Variants in FANCI observed in about 807,000 individuals in gnomAD.
FANCI encodes the protein Fanconi anemia group I protein.
Under a neutral mutation model 176.1 loss-of-function variants are expected in FANCI, and 156 were observed. That is an observed-to-expected ratio of 0.89 (90% CI 0.78 to 1.01). The LOEUF is 1.01. Among genes scored for constraint, FANCI ranks in the 50% least tolerant of loss-of-function variants. The pLI is 0.00. For missense variants in FANCI, 1,678 were observed against 1,534.1 expected, an observed-to-expected ratio of 1.09 and a Z score of -1.57; for synonymous variants, 613 against 541.7, an observed-to-expected ratio of 1.13 and a Z score of -1.83.
In FANCI at chr15:89,295,086, C is replaced by T. The variant is rs1213477504; in HGVS notation, c.2628C>T (p.Asp876=). ...AAAAGATCTTTCAGAACCTCTGTGA[C>T]ATAACTCGGTAAGCCACTCCCACCC... ...NPEKIFQNLC[D]ITRVLLWRYT... The change falls in exon 24 of 38, where the codon GAC becomes GAT. Residue 876 remains aspartate, a synonymous_variant. Transcript: ENST00000310775. The T allele has an allele frequency of 1.3e-6, 2 of 1,551,630 alleles. No homozygotes were observed. Among genetic ancestry groups the T allele is most frequent in the Admixed American group, 2.0e-5 (1 of 50,936 alleles).
Position 89,283,192 on chromosome 15 carries a change from T to TTA in FANCI, c.1641_1642dup (p.Lys548IlefsTer4). Reference sequence around the variant, plus strand: ...GGGTTTTTGCTGCTCCTGAAGAACTTTAAAGTTTTAGGCAGCCTGTCATCC... The same window carrying TTA: ...GGGTTTTTGCTGCTCCTGAAGAACTTTATAAAGTTTTAGGCAGCCTGTCATCC... On this transcript the variant is annotated frameshift_variant, in exon 17 of 38. Coordinates refer to ENST00000310775, the MANE Select transcript of FANCI (RefSeq NM_001113378.2). LOFTEE classifies it high-confidence loss of function. 6.8e-6 allele frequency: 11 copies of TTA among 1,614,178 alleles called. No homozygotes were observed. The highest frequency in any genetic ancestry group is 9.3e-6 in the Non-Finnish European group (11 of 1,180,026).
At chr15:89,306,377 G>A (rs1367180945) in intron 32 of FANCI, among the ~76,000 whole-genome samples, 183 bp downstream of exon 32, 1 of 151,858 alleles carries the variant, frequency 6.6e-6, no homozygotes, top group Non-Finnish European at 1.5e-5. Context: ...CACAGGCCAG[G>A]GAAAAACAGT....
At chr15:89,310,188 C>A (rs747951826) in intron 34 of FANCI, among the ~76,000 whole-genome samples, 1 of 152,206 alleles carries the variant, frequency 6.6e-6, no homozygotes, top group Non-Finnish European at 1.5e-5. Context: ...CATACAGTCT[C>A]TATCACACCT....
In FANCI at chr15:89,281,752, G is replaced by T; in HGVS notation, c.1513-13G>T. On this transcript the variant is annotated splice_polypyrimidine_tract_variant and intron_variant, in intron 15 of 37. Coordinates refer to ENST00000310775, the MANE Select transcript of FANCI (RefSeq NM_001113378.2). ...CAAACTTGTTCTGTTTTTACCCACT[G>T]ATTCTTTTTCAGCCCCTTCTCAAAG... The T allele has an allele frequency of 6.2e-7, 1 of 1,613,464 alleles. No individual in the cohort carries two copies. The highest frequency in any genetic ancestry group is 8.5e-7 in the Non-Finnish European group (1 of 1,179,630).
At position 89,290,617 on chromosome 15, in the gene FANCI, T is replaced by C. The variant is rs529551650; in HGVS notation, c.1890+336T>C. ...AGAAAAAAGAAATCCAAAACAAATA[T>C]AGCAAAATATTATTTCTTAAATCTG... On this transcript the variant is annotated intron_variant, in intron 19 of 37. Transcript: ENST00000310775. 5.3e-4 allele frequency: 137 copies of C among 260,408 alleles called. 1 individual carries two copies. Among genetic ancestry groups the C allele is most frequent in the African/African-American group, 2.7e-3 (122 of 45,866 alleles). The allele number at this position is 260,408 out of a possible 1,614,324, so 16.1% of individuals were successfully genotyped here.
intron 7 of FANCI, among the ~76,000 whole-genome samples, chr15:89,263,681 CT>C (rs1448186447): frequency 6.6e-6 from 1 of 152,094 alleles, no homozygotes; most frequent in Non-Finnish European, 1.5e-5. Flanking sequence ...ATAAGAATGA[CT>C]TTGCTTAGGT....
At chr15:89,281,863 A>T in intron 16 of FANCI, 28 bp downstream of exon 16, 1 of 1,602,692 alleles carries the variant, frequency 6.2e-7, no homozygotes. Context: ...CTATCATAGG[A>T]AGACGTTGTC....
intron 27 of FANCI, among the ~76,000 whole-genome samples, chr15:89,303,301 A>C (rs770281650): frequency 3.3e-5 from 5 of 152,232 alleles, no homozygotes; most frequent in African/African-American, 4.8e-5. Context: ...GCTGAAGCAG[A>C]AAGTTGACTG....
At chr15:89,301,827 C>T (rs1253269886) in intron 27 of FANCI, among the ~76,000 whole-genome samples, 1 of 152,206 alleles carries the variant, frequency 6.6e-6, no homozygotes, top group African/African-American at 2.4e-5. Flanking sequence ...AGGCAGTTGA[C>T]ATTCAGCAGT....
chr15:89,247,426 T>G (rs1363256187), intron 1 of FANCI, among the ~76,000 whole-genome samples: 1 of 152,144 alleles, frequency 6.6e-6, no homozygotes, highest in African/African-American at 2.4e-5. Flanking sequence ...ATTTTCAGGA[T>G]TATTTTGGTT....
At chr15:89,312,856 C>T (rs2055023739) in intron 34 of FANCI, 48 bp from the exon 35 acceptor site, 1 of 1,495,334 alleles carries the variant, frequency 6.7e-7, no homozygotes, top group Admixed American at 1.7e-5. Context: ...CATGCTAGCT[C>T]CACAGAAAAA....
chr15:89,249,513 A>T (rs930418404), intron 2 of FANCI, among the ~76,000 whole-genome samples: 1 of 151,880 alleles, frequency 6.6e-6, no homozygotes, highest in Admixed American at 6.6e-5. Context: ...ATGTCCGACT[A>T]ATTTTTGTAT....
At chr15:89,312,009 T>C (rs2054983821) in intron 34 of FANCI, among the ~76,000 whole-genome samples, 1 of 152,236 alleles carries the variant, frequency 6.6e-6, no homozygotes, top group Non-Finnish European at 1.5e-5. Flanking sequence ...CCAGGAGCTC[T>C]TTATTACCCA....
At chr15:89,260,576 T>G in intron 3 of FANCI, 137 bp from the exon 4 acceptor site, 1 of 1,126,828 alleles carries the variant, frequency 8.9e-7, no homozygotes, top group Non-Finnish European at 1.3e-6. Flanking sequence ...CCTTAACCAT[T>G]GCTGTTCTAA....
At chr15:89,251,562 AAG>A (rs1215163394) in intron 2 of FANCI, among the ~76,000 whole-genome samples, 1 of 151,520 alleles carries the variant, frequency 6.6e-6, no homozygotes, top group Non-Finnish European at 1.5e-5. Flanking sequence ...GCATAGAAAA[AAG>A]AGGATATAGA....
intron 24 of FANCI, among the ~76,000 whole-genome samples, chr15:89,298,353 C>T (rs915605773): frequency 6.6e-6 from 1 of 152,024 alleles, no homozygotes; most frequent in Non-Finnish European, 1.5e-5. Context: ...CTAGATAATC[C>T]CCATATATTA....
chr15:89,279,535 G>T (rs887193355), intron 14 of FANCI, among the ~76,000 whole-genome samples: 1 of 152,068 alleles, frequency 6.6e-6, no homozygotes, highest in Non-Finnish European at 1.5e-5. Context: ...AAATTTCTCC[G>T]TGTCATTCAT....
intron 34 of FANCI, among the ~76,000 whole-genome samples, chr15:89,308,434 G>C (rs1372410406): frequency 1.3e-5 from 2 of 152,170 alleles, no homozygotes; most frequent in East Asian, 3.8e-4. Flanking sequence ...GTATCACAGG[G>C]CTGTTACTGA....
intron 35 of FANCI, among the ~76,000 whole-genome samples, chr15:89,313,955 AG>A (rs1251863384): frequency 2.0e-5 from 3 of 148,526 alleles, no homozygotes; most frequent in Non-Finnish European, 3.0e-5. Flanking sequence ...AATTCACGTT[AG>A]GGGGAAAGAT....
Sources: gnomAD v4.1 joint callset for allele counts (sites outside exome capture counted in the v4.1 genomes callset) on GRCh38, gnomAD v4.1.1 for gene constraint, MANE v1.5 for transcripts, NCBI Gene and HGNC (gene_info 2026-07-23, HGNC 2026-07-21) for gene names.